Variants in CCDC171 observed in about 807,000 individuals in gnomAD.
The protein encoded by CCDC171 is coiled-coil domain containing 171.
In CCDC171, 177 loss-of-function variants were observed where a neutral mutation model predicts 168.2. The ratio of observed to expected loss-of-function variants is 1.05; its 90% CI spans 0.93 to 1.19. CCDC171 has a LOEUF of 1.19. Ranked by LOEUF, CCDC171 falls within the 50% of genes most tolerant of loss-of-function variation. The probability of loss-of-function intolerance (pLI) is 0.00; values close to 1 mark genes in which losing one functional copy is unlikely to be tolerated. For missense variants in CCDC171, 1,991 were observed against 1,539.0 expected, an observed-to-expected ratio of 1.29 and a Z score of -4.91; for synonymous variants, 687 against 540.8, an observed-to-expected ratio of 1.27 and a Z score of -3.75.
chr9:15,971,574 C>G, intron 25 of CCDC171, 35 bp from the exon 26 acceptor site: 1 of 1,474,372 alleles, frequency 6.8e-7, no homozygotes, highest in Non-Finnish European at 9.4e-7. Context: ...GTTTTCAACT[C>G]TATGTTTATT....
chr9:15,616,611 A>G (rs565994760), intron 6 of CCDC171, among the ~76,000 whole-genome samples: 10 of 152,302 alleles, frequency 6.6e-5, no homozygotes, highest in Admixed American at 5.2e-4. Flanking sequence ...ATGTAAGTCA[A>G]TGACTGAAAG....
At chr9:16,080,818 C>A in the CCDC171 span, among the ~76,000 whole-genome samples, 5 of 152,176 alleles carry the variant, frequency 3.3e-5, no homozygotes, top group African/African-American at 1.2e-4. Flanking sequence ...CTTCTGTCTT[C>A]TTGAAGGCAT....
intron 2 of CCDC171, among the ~76,000 whole-genome samples, chr9:15,570,362 A>C (rs1032005410): frequency 8.7e-5 from 13 of 149,906 alleles, no homozygotes; most frequent in Non-Finnish European, 1.5e-4. Context: ...ATATACTCCT[A>C]TTTTTTTTAG....
At chr9:15,571,368 G>A (rs1303742777) in intron 2 of CCDC171, among the ~76,000 whole-genome samples, 1 of 152,160 alleles carries the variant, frequency 6.6e-6, no homozygotes, top group Non-Finnish European at 1.5e-5. Flanking sequence ...GACAATTTAA[G>A]TAGCAATCTT....
chr9:15,807,680 C>T (rs189648509), intron 21 of CCDC171, among the ~76,000 whole-genome samples: 57 of 152,090 alleles, frequency 3.7e-4, no homozygotes, highest in African/African-American at 1.4e-3. Flanking sequence ...TGCACATTCA[C>T]ATCTTATTGT....
chr9:15,630,386 A>C (rs1223258842), intron 7 of CCDC171, among the ~76,000 whole-genome samples: 3 of 152,208 alleles, frequency 2.0e-5, no homozygotes, highest in Non-Finnish European at 4.4e-5. Context: ...CTAGTCTCTG[A>C]TAAAACAGAC....
chr9:15,712,720 A>T (rs1204818706), intron 11 of CCDC171, among the ~76,000 whole-genome samples: 1 of 152,142 alleles, frequency 6.6e-6, no homozygotes, highest in Non-Finnish European at 1.5e-5. Flanking sequence ...TCATCCTCCC[A>T]GAGGATGGTG....
chr9:15,634,792 C>T lies in CCDC171; in HGVS notation c.822+11379C>T, dbSNP rs59765656. ...ACAATAAGAAACCCTGCTCATTAGC[C>T]ATCACTTTCCTATTCCCCTTTCCTC... On this transcript the variant is annotated intron_variant, in intron 7 of 25. Coordinates refer to ENST00000380701, the MANE Select transcript of CCDC171 (RefSeq NM_173550.4). Among the ~76,000 whole-genome samples the T allele has an allele frequency of 6.1e-3, 929 of 152,288 alleles. 7 individuals are homozygous for T. Among genetic ancestry groups the T allele is most frequent in the African/African-American group, 0.022 (903 of 41,562 alleles).
chr9:15,844,444 C>T (rs1053081247), intron 21 of CCDC171, among the ~76,000 whole-genome samples: 1 of 151,874 alleles, frequency 6.6e-6, no homozygotes, highest in Non-Finnish European at 1.5e-5. Flanking sequence ...TCTTGAATCA[C>T]GGTTTATGTC....
intron 18 of CCDC171, among the ~76,000 whole-genome samples, chr9:15,751,890 A>G (rs1291704564): frequency 2.6e-5 from 4 of 152,240 alleles, no homozygotes; most frequent in Non-Finnish European, 4.4e-5. Flanking sequence ...AATGGCAACA[A>G]AAGCTAAAAT....
At chr9:16,070,131 G>A in the CCDC171 span, among the ~76,000 whole-genome samples, 1 of 152,046 alleles carries the variant, frequency 6.6e-6, no homozygotes, top group South Asian at 2.1e-4. Context: ...GAGCTGAAGC[G>A]GCCTGGAAAG....
chr9:15,964,886 G>A (rs562374506), intron 25 of CCDC171, among the ~76,000 whole-genome samples: 10 of 152,106 alleles, frequency 6.6e-5, no homozygotes, highest in African/African-American at 1.9e-4. Flanking sequence ...TCAGCCTCCC[G>A]GGTAGCTGGG....
At chr9:16,096,511 C>T in the CCDC171 span, among the ~76,000 whole-genome samples, 485 of 152,218 alleles carry the variant, frequency 3.2e-3, no homozygotes, top group African/African-American at 0.011. Flanking sequence ...GCCTCTAGAC[C>T]CCTGTACCTT....
chr9:16,032,450 G>C lies in CCDC171; in HGVS notation n.999-3007G>C, dbSNP rs948996489. Among the ~76,000 whole-genome samples, 3 of 152,130 alleles carry C rather than the reference G, an allele frequency of 2.0e-5. No individual in the cohort carries two copies. The South Asian group carries it at 6.2e-4, about 32-fold the overall frequency. On this transcript the variant is annotated intron_variant and non_coding_transcript_variant, in intron 6 of 9. Coordinates refer to the CCDC171 transcript ENST00000486641. Reference sequence around the variant, plus strand: ...CTGGCCATGCACGAGACGCCAAGAAGAGAGTTCAGAGAGGGCAGCAGAGGG... The same window carrying C: ...CTGGCCATGCACGAGACGCCAAGAACAGAGTTCAGAGAGGGCAGCAGAGGG...
chr9:15,808,851 C>G (rs1467253598), intron 21 of CCDC171, among the ~76,000 whole-genome samples: 3 of 123,868 alleles, frequency 2.4e-5, no homozygotes, highest in Non-Finnish European at 5.4e-5. Flanking sequence ...AGCTTATAAA[C>G]AGCAGAAATT....
intron 7 of CCDC171, among the ~76,000 whole-genome samples, chr9:15,638,244 A>G (rs2046347452): frequency 6.6e-6 from 1 of 152,044 alleles, no homozygotes; most frequent in South Asian, 2.1e-4. Context: ...TCATATTTAG[A>G]TTCTTTTTAA....
intron 25 of CCDC171, among the ~76,000 whole-genome samples, chr9:15,967,370 A>G (rs563605519): frequency 2.6e-5 from 4 of 152,338 alleles, no homozygotes; most frequent in African/African-American, 9.6e-5. Flanking sequence ...AAAGAGTACT[A>G]TAGAATTTAA....
intron 18 of CCDC171, among the ~76,000 whole-genome samples, chr9:15,747,849 G>C (rs2055412436): frequency 6.6e-6 from 1 of 152,142 alleles, no homozygotes; most frequent in African/African-American, 2.4e-5. Flanking sequence ...CTCCTCTAAA[G>C]GATCACAACT....
intron 25 of CCDC171, among the ~76,000 whole-genome samples, chr9:15,970,017 G>A (rs1277903458): frequency 6.6e-6 from 1 of 152,046 alleles, no homozygotes; most frequent in Non-Finnish European, 1.5e-5. Context: ...CCTTCCACTG[G>A]GAAACCTTAT....
Sources: gnomAD v4.1 joint callset for allele counts (sites outside exome capture counted in the v4.1 genomes callset) on GRCh38, gnomAD v4.1.1 for gene constraint, MANE v1.5 for transcripts, NCBI Gene and HGNC (gene_info 2026-07-23, HGNC 2026-07-21) for gene names.